Variants in RBM47 observed in about 807,000 individuals in gnomAD.
The protein encoded by RBM47 is RNA binding motif protein 47, also known as RNA-binding protein 47.
RBM47 carries 21 observed loss-of-function variants against 47.1 expected under a neutral mutation model. The ratio of observed to expected loss-of-function variants is 0.45; its 90% confidence interval spans 0.32 to 0.64. RBM47 has a LOEUF of 0.64. Among genes scored for constraint, RBM47 ranks in the 30% least tolerant of loss-of-function variants. RBM47 has a pLI of 0.05. For missense variants in RBM47, 708 were observed against 870.9 expected (o/e 0.81, Z 2.35); for synonymous variants, 375 against 361.7 (o/e 1.04, Z -0.42).
intron 2 of RBM47, among the ~76,000 whole-genome samples, chr4:40,531,730 G>A (rs991963194): frequency 6.6e-6 from 1 of 152,146 alleles, no homozygotes; most frequent in East Asian, 1.9e-4. Context: ...AAAATCAGAT[G>A]TCTACCAACC....
intron 1 of RBM47, among the ~76,000 whole-genome samples, chr4:40,572,812 C>A (rs921178978): frequency 6.6e-6 from 1 of 151,710 alleles, no homozygotes; most frequent in Non-Finnish European, 1.5e-5. Flanking sequence ...TGTGAGCCTC[C>A]TTGTTTATTC....
chr4:40,435,189 T>A (rs1712137316), intron 5 of RBM47, among the ~76,000 whole-genome samples: 1 of 152,176 alleles, frequency 6.6e-6, no homozygotes, highest in Non-Finnish European at 1.5e-5. Context: ...CTACTCCCAA[T>A]CTACTGATCC....
At chr4:40,538,166 G>C (rs554440429) in intron 2 of RBM47, among the ~76,000 whole-genome samples, 2 of 152,204 alleles carry the variant, frequency 1.3e-5, no homozygotes, top group South Asian at 4.1e-4. Flanking sequence ...TTTGATCAGA[G>C]ATCAGGCAGA....
At chr4:40,499,817 A>G (rs1303375083) in intron 2 of RBM47, among the ~76,000 whole-genome samples, 1 of 152,236 alleles carries the variant, frequency 6.6e-6, no homozygotes, top group African/African-American at 2.4e-5. Context: ...ATTATAGAGT[A>G]TTCACTCACT....
intron 1 of RBM47, among the ~76,000 whole-genome samples, chr4:40,610,388 C>T (rs1736153286): frequency 1.3e-5 from 2 of 151,390 alleles, no homozygotes; most frequent in South Asian, 4.2e-4. Context: ...TTTGGGAGGC[C>T]GAGGCAGGCA....
At chr4:40,591,772 G>A (rs1187287579) in intron 1 of RBM47, among the ~76,000 whole-genome samples, 1 of 152,152 alleles carries the variant, frequency 6.6e-6, no homozygotes, top group Non-Finnish European at 1.5e-5. Flanking sequence ...GGTTCTACCT[G>A]AGACAAGGGC....
At chr4:40,430,188 C>T (rs1012406080) in intron 6 of RBM47, among the ~76,000 whole-genome samples, 2 of 150,850 alleles carry the variant, frequency 1.3e-5, no homozygotes, top group Admixed American at 6.6e-5. Context: ...GAGCGAGACA[C>T]CGTCGCAAAA....
intron 2 of RBM47, among the ~76,000 whole-genome samples, chr4:40,534,015 G>A (rs977695218): frequency 6.6e-5 from 10 of 151,768 alleles, no homozygotes; most frequent in Admixed American, 4.6e-4. Context: ...TGGTTTCCCC[G>A]TGTTGGTCAG....
intron 2 of RBM47, among the ~76,000 whole-genome samples, chr4:40,535,643 C>G (rs1434363554): frequency 2.0e-5 from 3 of 151,862 alleles, no homozygotes; most frequent in Non-Finnish European, 1.5e-5. Flanking sequence ...TCACTGCAAC[C>G]TCCACCTCCC....
At chr4:40,579,423 G>GAAAAAAAAAAAAAAAAAAAAAAAAAA (rs10653342) in intron 1 of RBM47, among the ~76,000 whole-genome samples, 1 of 102,010 alleles carries the variant, frequency 9.8e-6, no homozygotes. Flanking sequence ...CCCTGTCTCA[G>GAAAAAAAAAAAAAAAAAAAAAAAAAA]AAAAAAAAAA....
intron 2 of RBM47, among the ~76,000 whole-genome samples, chr4:40,522,714 C>T (rs1211130154): frequency 6.6e-6 from 1 of 151,502 alleles, no homozygotes; most frequent in Non-Finnish European, 1.5e-5. Flanking sequence ...CAAATATGAG[C>T]ATACAGCTGA....
intron 1 of RBM47, among the ~76,000 whole-genome samples, chr4:40,573,130 G>A (rs1458002486): frequency 7.0e-6 from 1 of 142,320 alleles, no homozygotes; most frequent in African/African-American, 2.6e-5. Context: ...TCCAGACTAG[G>A]TGACAGAGCA....
In RBM47 at chr4:40,438,863, T is replaced by C; in HGVS notation, c.31A>G (p.Ser11Gly). 6.4e-7 allele frequency: 1 copy of C among 1,560,362 alleles called. No homozygotes were observed. Among genetic ancestry groups the C allele is most frequent in the Non-Finnish European group, 8.6e-7 (1 of 1,159,080 alleles). ...GAGGACCCGGCGGCCGAGTCACTGC[T>C]CATGGCTGCGGTGGAATCCTCTGCG... is the stretch of plus-strand genomic sequence containing the variant. The part of the protein sequence containing the change: MTAEDSTAAM[S>G]SDSAAGSSAK... The change falls in exon 4 of 7, where the codon AGC (serine) becomes GGC (glycine). Residue 11 changes from serine (S) to glycine (G), a missense_variant. Ser to Gly is a moderately conservative substitution (Grantham distance 56). Coordinates refer to ENST00000295971, the MANE Select transcript of RBM47 (RefSeq NM_001098634.2).
intron 2 of RBM47, among the ~76,000 whole-genome samples, chr4:40,474,824 T>A (rs1026332170): frequency 6.6e-6 from 1 of 152,320 alleles, no homozygotes; most frequent in South Asian, 2.1e-4. Context: ...ATAAAAAGTA[T>A]AAGAATATGC....
chr4:40,429,696 A>T (rs1715612617), intron 6 of RBM47, among the ~76,000 whole-genome samples: 1 of 146,126 alleles, frequency 6.8e-6, no homozygotes. Context: ...CTCAAAAAAA[A>T]AAAAAAAAAA....
At chr4:40,444,422 TA>T (rs528494437) in intron 3 of RBM47, among the ~76,000 whole-genome samples, 214 of 139,872 alleles carry the variant, frequency 1.5e-3, no homozygotes, top group Middle Eastern at 3.7e-3. Flanking sequence ...ACCCTATCCT[TA>T]AAAAAAAAAA....
intron 1 of RBM47, among the ~76,000 whole-genome samples, chr4:40,609,736 A>G (rs1228171125): frequency 6.6e-6 from 1 of 152,012 alleles, no homozygotes; most frequent in Non-Finnish European, 1.5e-5. Flanking sequence ...ATCTCTCTCT[A>G]GGTTCCGGAA....
chr4:40,451,206 A>G (rs1715391741), intron 3 of RBM47, among the ~76,000 whole-genome samples: 1 of 150,248 alleles, frequency 6.7e-6, no homozygotes, highest in South Asian at 2.1e-4. Context: ...AAAAAAAAAA[A>G]GTCAAGGCTA....
intron 1 of RBM47, among the ~76,000 whole-genome samples, chr4:40,597,619 G>A (rs1331541961): frequency 2.0e-5 from 3 of 152,052 alleles, no homozygotes; most frequent in Non-Finnish European, 4.4e-5. Context: ...TATTCATATA[G>A]GTATTAAATA....
Sources: allele counts gnomAD v4.1 joint callset (sites outside exome capture counted in the v4.1 genomes callset), GRCh38; gene constraint gnomAD v4.1.1; transcripts MANE v1.5; gene names NCBI Gene and HGNC (gene_info 2026-07-23, HGNC 2026-07-21).